The following CFAP45 variants were observed in gnomAD, a reference collection of about 807,000 sequenced individuals.
CFAP45 encodes cilia and flagella associated protein 45.
Under a neutral mutation model 75.6 loss-of-function variants are expected in CFAP45, and 43 were observed. That is an observed-to-expected ratio of 0.57 (90% CI 0.45 to 0.73). CFAP45 has a LOEUF of 0.73. Among genes scored for constraint, CFAP45 ranks in the 30% least tolerant of loss-of-function variants. CFAP45 has a pLI of 0.00. For missense variants in CFAP45, 689 were observed against 701.5 expected (o/e 0.98, Z 0.20); for synonymous variants, 223 against 244.6 (o/e 0.91, Z 0.82).
At position 159,893,221 on chromosome 1, in the gene CFAP45, C is replaced by T. The variant is rs143593292; in HGVS notation, c.88G>A (p.Val30Met). 8.8e-4 allele frequency: 1,425 copies of T among 1,614,030 alleles called. 1 individual carries two copies. The highest frequency in any genetic ancestry group is 2.0e-3 in the Middle Eastern group (12 of 6,032). The change falls in exon 2 of 12, where the codon GTG (valine) becomes ATG (methionine). Residue 30 changes from valine to methionine, a missense_variant. Physicochemically the swap from Val to Met is conservative, Grantham distance 21. Coordinates refer to ENST00000368099, the MANE Select transcript of CFAP45 (RefSeq NM_012337.3). ...AGGCTCTCATCCACCTCAGAGCTCA[C>T]GGCTTTGGTCCGATAGCGAGCCTTA... Reference protein sequence around the residue: ...RNKARYRTKAVSSEVDESLFG... With the variant: ...RNKARYRTKAMSSEVDESLFG...
intron 6 of CFAP45, among the ~76,000 whole-genome samples, chr1:159,885,709 C>CA: frequency 6.6e-6 from 1 of 152,110 alleles, no homozygotes; most frequent in East Asian, 1.9e-4. Flanking sequence ...ATGAGCGTAG[C>CA]ATCTAGGAGG....
intron 6 of CFAP45, among the ~76,000 whole-genome samples, chr1:159,885,775 G>A (rs891841350): frequency 6.6e-6 from 1 of 152,140 alleles, no homozygotes; most frequent in Admixed American, 6.5e-5. Context: ...AGAGTGATGG[G>A]CACAGAGAAG....
At chr1:159,872,654 TG>T in intron 11 of CFAP45, 91 bp from the exon 12 acceptor site, 2 of 1,149,370 alleles carry the variant, frequency 1.7e-6, no homozygotes, top group Non-Finnish European at 2.6e-6. Flanking sequence ...TTACAGAACC[TG>T]GGGGCCTGCA....
At chr1:159,892,509 C>T (rs2101851423) in intron 2 of CFAP45, among the ~76,000 whole-genome samples, 1 of 152,308 alleles carries the variant, frequency 6.6e-6, no homozygotes, top group South Asian at 2.1e-4. Context: ...CAGGTCACTA[C>T]TAGTGTCTCT....
intron 9 of CFAP45, 155 bp from the exon 10 acceptor site, chr1:159,876,904 T>C: frequency 1.3e-6 from 1 of 745,530 alleles, no homozygotes; most frequent in Non-Finnish European, 2.3e-6. Context: ...AAAAGATAAA[T>C]GGAATCCTGT....
intron 5 of CFAP45, among the ~76,000 whole-genome samples, chr1:159,887,016 C>T (rs1252002569): frequency 6.6e-6 from 1 of 152,136 alleles, no homozygotes; most frequent in Non-Finnish European, 1.5e-5. Context: ...CTCCATAAAA[C>T]TCACTTATAC....
intron 10 of CFAP45, among the ~76,000 whole-genome samples, chr1:159,874,597 G>A (rs1649357228): frequency 6.6e-6 from 1 of 152,226 alleles, no homozygotes; most frequent in African/African-American, 2.4e-5. Flanking sequence ...CTGAGTGAAG[G>A]GGTAAGTGTG....
rs1228793718 is a variant in CFAP45 at position 159,888,406 on chromosome 1, T to C, written c.363A>G (p.Arg121=). ...CCTGGTCCCTGGCCTCAAGTTCTTCTCTGGTCAGGACATGGGATGCCCATT... is the reference window on the plus strand; with the variant it reads ...CCTGGTCCCTGGCCTCAAGTTCTTCCCTGGTCAGGACATGGGATGCCCATT... ...RIKWASHVLT[R]EELEARDQAF... Residue 121 remains arginine (R), a synonymous_variant, in exon 4 of 12, where the codon AGA becomes AGG. Transcript: ENST00000368099. 1.2e-6 allele frequency: 2 copies of C among 1,614,000 alleles called. No homozygotes were observed. Among genetic ancestry groups the C allele is most frequent in the South Asian group, 1.1e-5 (1 of 91,086 alleles).
chr1:159,897,370 G>A (rs1028382735), intron 1 of CFAP45, among the ~76,000 whole-genome samples: 3 of 152,030 alleles, frequency 2.0e-5, no homozygotes, highest in Non-Finnish European at 2.9e-5. Context: ...GATCACCTGA[G>A]GTCAGGAATT....
chr1:159,886,816 G>A (rs1226002521), intron 5 of CFAP45, 127 bp from the exon 6 acceptor site: 1 of 738,524 alleles, frequency 1.4e-6, no homozygotes, highest in African/African-American at 1.8e-5. Flanking sequence ...CAAGTCCGGG[G>A]AAATAAGAAT....
chr1:159,882,990 C>A (rs1229946759), intron 7 of CFAP45, among the ~76,000 whole-genome samples: 1 of 152,154 alleles, frequency 6.6e-6, no homozygotes, highest in East Asian at 1.9e-4. Context: ...ATCTTCATTG[C>A]ACTTCTCTAG....
intron 2 of CFAP45, among the ~76,000 whole-genome samples, 158 bp downstream of exon 2, chr1:159,893,022 C>A (rs1052001598): frequency 6.6e-6 from 1 of 152,172 alleles, no homozygotes; most frequent in South Asian, 2.1e-4. Flanking sequence ...CCACTAGATC[C>A]CAAAGCTCTG....
At chr1:159,887,726 G>GCCCCC in intron 5 of CFAP45, 115 bp downstream of exon 5, 1 of 877,430 alleles carries the variant, frequency 1.1e-6, no homozygotes, top group Non-Finnish European at 1.7e-6. Flanking sequence ...GCTCTCCCCC[G>GCCCCC]CCCCACCCCT....
Position 159,900,157 on chromosome 1 carries a change from CCT to C in CFAP45, c.-61_-60del. ...GCTGCCGCCTCGGCGCCGCCAAGGCCCTAGTGTTGACGCGTTACCTTGGCAAC... is the reference window on the plus strand; with the variant it reads ...GCTGCCGCCTCGGCGCCGCCAAGGCCAGTGTTGACGCGTTACCTTGGCAAC... On this transcript the variant is annotated 5_prime_UTR_variant, in exon 1 of 12. Transcript: ENST00000368099. The C allele has an allele frequency of 6.2e-7, 1 of 1,612,126 alleles. No homozygotes were observed.
chr1:159,872,894 C>A (rs79596930), intron 11 of CFAP45, 50 bp downstream of exon 11: 49,408 of 1,557,880 alleles, frequency 0.032, 1,366 homozygotes, highest in African/African-American at 0.14. Context: ...GTGGTGCCAT[C>A]TCTTTGCGGG....
rs553535025 is a variant in CFAP45, at chr1:159,888,474, C to T, written c.295G>A (p.Gly99Arg). The change falls in exon 4 of 12, where the codon GGG (glycine) becomes AGG (arginine). Residue 99 changes from glycine to arginine, a missense_variant. By Grantham distance (125) the Gly-to-Arg change is moderately radical. Coordinates refer to ENST00000368099, the MANE Select transcript of CFAP45 (RefSeq NM_012337.3). ...TCAGGGCTGATGATTAGGGACTCCC[C>T]GGAGGGATCCTCTGTGGGAACACTG... Reference protein sequence around the residue: ...ELIVPTEDPSGESLIISPEEF... With the variant: ...ELIVPTEDPSRESLIISPEEF... 15 of 1,594,126 alleles carry T rather than the reference C, an allele frequency of 9.4e-6. No individual in the cohort carries two copies. Among genetic ancestry groups the T allele is most frequent in the African/African-American group, 2.7e-5 (2 of 74,642 alleles).
At chr1:159,896,807 C>T (rs564327231) in intron 1 of CFAP45, among the ~76,000 whole-genome samples, 1 of 152,278 alleles carries the variant, frequency 6.6e-6, no homozygotes, top group South Asian at 2.1e-4. Flanking sequence ...TCTTCATAAG[C>T]CATCCAACTC....
At chr1:159,884,317 ATGT>A in intron 7 of CFAP45, 116 bp downstream of exon 7, 2 of 1,004,094 alleles carry the variant, frequency 2.0e-6, no homozygotes, top group Non-Finnish European at 1.5e-6. Context: ...GACGGTGATG[ATGT>A]TGTGAAATGA....
Position 159,876,638 on chromosome 1 carries a change from G to A in CFAP45, c.1270C>T (p.Arg424Trp), listed in dbSNP as rs771767770. ...METEAELRKS[R>W]LEQVAFKEHA... ...TCCTTGAAAGCCACCTGTTCGAGCC[G>A]ACTTTTTCGCAGCTCAGCCTCTGTT... The change falls in exon 10 of 12, where the codon CGG becomes TGG. Residue 424 changes from arginine (R) to tryptophan (W), a missense_variant. Coordinates refer to ENST00000368099, the MANE Select transcript of CFAP45 (RefSeq NM_012337.3). The A allele has an allele frequency of 5.6e-6, 9 of 1,614,178 alleles. No individual in the cohort carries two copies. Among genetic ancestry groups the A allele is most frequent in the Middle Eastern group, 1.6e-4 (1 of 6,062 alleles).
Sources: gnomAD v4.1 joint callset for allele counts (sites outside exome capture counted in the v4.1 genomes callset) on GRCh38, gnomAD v4.1.1 for gene constraint, MANE v1.5 for transcripts, NCBI Gene and HGNC (gene_info 2026-07-23, HGNC 2026-07-21) for gene names.